SS18: variants seen among roughly 807,000 people sequenced by gnomAD.
SS18 encodes the protein protein SSXT.
Under a neutral mutation model 72.5 loss-of-function variants are expected in SS18, and 28 were observed. The observed-to-expected ratio is 0.39, with a 90% CI of 0.29 to 0.53. The LOEUF is 0.53. Among genes scored for constraint, SS18 ranks in the 20% least tolerant of loss-of-function variants. The pLI, the probability that SS18 is intolerant of heterozygous loss-of-function variation, is 0.76. For missense variants in SS18, 518 were observed against 535.3 expected (o/e 0.97, Z 0.32); for synonymous variants, 172 against 164.2 (o/e 1.05, Z -0.37).
At chr18:26,056,386 A>C (rs1248262874) in intron 4 of SS18, among the ~76,000 whole-genome samples, 2 of 152,254 alleles carry the variant, frequency 1.3e-5, no homozygotes, top group Non-Finnish European at 1.5e-5. Flanking sequence ...ACTTGGCAAG[A>C]AGCTTTCTCT....
At chr18:26,061,268 G>A (rs755464956) in intron 3 of SS18, among the ~76,000 whole-genome samples, 26 of 152,154 alleles carry the variant, frequency 1.7e-4, no homozygotes, top group Admixed American at 9.2e-4. Context: ...AGCCGAGATC[G>A]TGCCACTGCA....
Position 26,073,852 on chromosome 18 carries a change from T to C in SS18, c.231+4224A>G, listed in dbSNP as rs547712621. 3.3e-5 allele frequency among the ~76,000 whole-genome samples: 5 copies of C among 152,336 alleles called. No homozygotes were observed. The East Asian group carries it at 9.6e-4, about 29-fold the overall frequency. Reference sequence around the variant, plus strand: ...CAGCTGAACTAGGCACCGTTTTCACTGAATACCATTTTTACTTGAAAGAAC... The same window carrying C: ...CAGCTGAACTAGGCACCGTTTTCACCGAATACCATTTTTACTTGAAAGAAC... On this transcript the variant is annotated intron_variant, in intron 3 of 10. Coordinates refer to ENST00000415083, the MANE Select transcript of SS18 (RefSeq NM_001007559.3).
intron 9 of SS18, among the ~76,000 whole-genome samples, chr18:26,033,887 T>A (rs1321009601): frequency 6.6e-6 from 1 of 152,160 alleles, no homozygotes; most frequent in Non-Finnish European, 1.5e-5. Context: ...CTGATTTAGC[T>A]GCATTACATC....
At chr18:26,056,455 T>C (rs1478309280) in intron 4 of SS18, among the ~76,000 whole-genome samples, 1 of 152,200 alleles carries the variant, frequency 6.6e-6, no homozygotes, top group Non-Finnish European at 1.5e-5. Flanking sequence ...ACCTCCATAC[T>C]GGATGTGTGC....
intron 1 of SS18, among the ~76,000 whole-genome samples, chr18:26,088,921 A>C (rs1171850600): frequency 6.6e-6 from 1 of 152,204 alleles, no homozygotes; most frequent in Non-Finnish European, 1.5e-5. Context: ...TAATAAATGC[A>C]GTTATTTCTT....
In SS18 at chr18:26,060,921, A is replaced by G. The variant is rs541395572; in HGVS notation, c.232-3179T>C. Among the ~76,000 whole-genome samples the G allele has an allele frequency of 2.7e-5, 4 of 150,790 alleles. No homozygotes were observed. The East Asian group carries it at 7.8e-4, about 29-fold the overall frequency. On this transcript the variant is annotated intron_variant, in intron 3 of 10. Coordinates refer to ENST00000415083, the MANE Select transcript of SS18 (RefSeq NM_001007559.3). ...CAGTGAGCTGAGATCGCATCACTGC[A>G]CTCCAGCCTGGGAGACAGAGCAAAA...
intron 4 of SS18, among the ~76,000 whole-genome samples, chr18:26,054,412 G>A (rs146492814): frequency 0.021 from 3,130 of 152,050 alleles, 48 homozygotes; most frequent in Non-Finnish European, 0.031. Context: ...GTGTGCATGC[G>A]TATTGACACA....
chr18:26,056,253 T>C (rs891696209), intron 4 of SS18, among the ~76,000 whole-genome samples: 1 of 152,238 alleles, frequency 6.6e-6, no homozygotes. Flanking sequence ...ACACAGAGAA[T>C]TTAAGTCAAA....
Position 26,057,630 on chromosome 18 carries a change from G to A in SS18, c.344C>T (p.Pro115Leu). 1 of 1,614,160 alleles carries A rather than the reference G, an allele frequency of 6.2e-7. No homozygotes were observed. The highest frequency in any genetic ancestry group is 8.5e-7 in the Non-Finnish European group (1 of 1,180,028). The change falls in exon 4 of 11, where the codon CCT (proline) becomes CTT (leucine). Residue 115 changes from proline to leucine, a missense_variant. By Grantham distance (98) the Pro-to-Leu change is moderately conservative (BLOSUM62 -3). Coordinates refer to ENST00000415083, the MANE Select transcript of SS18 (RefSeq NM_001007559.3). Reference sequence around the variant, plus strand: ...CATCTGGTTCTGCATGTGCGGTGCAGGAGGACCCCCACCTACCATTCCATC... The same window carrying A: ...CATCTGGTTCTGCATGTGCGGTGCAAGAGGACCCCCACCTACCATTCCATC... ...PSDGMVGGGP[P>L]APHMQNQMNG...
intron 3 of SS18, among the ~76,000 whole-genome samples, chr18:26,061,921 G>A (rs2054130892): frequency 6.6e-6 from 1 of 152,074 alleles, no homozygotes; most frequent in South Asian, 2.1e-4. Flanking sequence ...TGACTCTACT[G>A]GTTTAAACAA....
At chr18:26,082,495 A>G (rs1404822804) in intron 2 of SS18, 3 of 985,130 alleles carry the variant, frequency 3.0e-6, no homozygotes, top group African/African-American at 1.7e-5. Context: ...TGTTGTTTGA[A>G]ATTTATGCAA....
intron 10 of SS18, among the ~76,000 whole-genome samples, chr18:26,025,620 C>T (rs1400907503): frequency 6.6e-6 from 1 of 151,874 alleles, no homozygotes; most frequent in Non-Finnish European, 1.5e-5. Context: ...ATGAAAAACA[C>T]ACAAAACATT....
At chr18:26,060,274 G>A (rs747009896) in intron 3 of SS18, among the ~76,000 whole-genome samples, 12 of 152,168 alleles carry the variant, frequency 7.9e-5, no homozygotes, top group Non-Finnish European at 1.3e-4. Flanking sequence ...ATTATGCCAA[G>A]TGAAAGAAGA....
Position 26,057,611 on chromosome 18 carries a change from G to A in SS18, c.363C>T (p.Asn121=). The change falls in exon 4 of 11, where the codon AAC becomes AAT. Residue 121 remains asparagine (N), a synonymous_variant. Coordinates refer to ENST00000415083, the MANE Select transcript of SS18 (RefSeq NM_001007559.3). ...GGGPPAPHMQ[N]QMNGQMPGPN... ...TACCAGGCATCTGGCCGTTCATCTG[G>A]TTCTGCATGTGCGGTGCAGGAGGAC... 6.2e-7 allele frequency: 1 copy of A among 1,614,090 alleles called. No homozygotes were observed. The highest frequency in any genetic ancestry group is 8.5e-7 in the Non-Finnish European group (1 of 1,180,000).
intron 7 of SS18, among the ~76,000 whole-genome samples, chr18:26,037,127 T>C (rs1178744587): frequency 6.6e-6 from 1 of 152,118 alleles, no homozygotes; most frequent in African/African-American, 2.4e-5. Flanking sequence ...TATGTAAATG[T>C]CAGATATAAA....
chr18:26,063,899 GAAAA>G (rs2054168337), intron 3 of SS18, among the ~76,000 whole-genome samples: 1 of 151,858 alleles, frequency 6.6e-6, no homozygotes, highest in South Asian at 2.1e-4. Flanking sequence ...AAATAATCAA[GAAAA>G]GACAGAAATT....
chr18:26,075,560 C>T (rs1431405071), intron 3 of SS18, among the ~76,000 whole-genome samples: 10 of 151,892 alleles, frequency 6.6e-5, no homozygotes, highest in Admixed American at 5.2e-4. Flanking sequence ...TTACTTAGCA[C>T]ATCAGAAACA....
chr18:26,042,882 T>C (rs780057501), intron 5 of SS18, among the ~76,000 whole-genome samples: 4 of 152,126 alleles, frequency 2.6e-5, no homozygotes. Context: ...ATATTCTATA[T>C]ATATAGAACA....
rs759778518 is a variant in SS18 at position 26,057,611 on chromosome 18, G to T, written c.363C>A (p.Asn121Lys). ...TACCAGGCATCTGGCCGTTCATCTG[G>T]TTCTGCATGTGCGGTGCAGGAGGAC... ...GGGPPAPHMQ[N>K]QMNGQMPGPN... is the part of the protein sequence containing the mutation. The change falls in exon 4 of 11, where the codon AAC (asparagine) becomes AAA (lysine). Residue 121 changes from asparagine (N) to lysine (K), a missense_variant. Coordinates refer to ENST00000415083, the MANE Select transcript of SS18 (RefSeq NM_001007559.3). The T allele has an allele frequency of 1.9e-6, 3 of 1,614,090 alleles. No individual in the cohort carries two copies. The highest frequency in any genetic ancestry group is 1.1e-5 in the South Asian group (1 of 91,074).
Sources: gnomAD v4.1 joint callset for allele counts (sites outside exome capture counted in the v4.1 genomes callset) on GRCh38, gnomAD v4.1.1 for gene constraint, MANE v1.5 for transcripts, NCBI Gene and HGNC (gene_info 2026-07-23, HGNC 2026-07-21) for gene names.